Variants in IMMP2L observed in about 807,000 individuals in gnomAD.
IMMP2L encodes the protein inner mitochondrial membrane peptidase subunit 2.
A neutral mutation model predicts 19.3 loss-of-function variants in IMMP2L; 18 were observed. The observed-to-expected ratio is 0.93, with a 90% confidence interval of 0.64 to 1.38. The LOEUF (loss-of-function observed/expected upper bound fraction) is 1.38, where lower values mean the gene tolerates loss of function less well. Ranked by LOEUF, IMMP2L falls within the 40% of genes most tolerant of loss-of-function variation. IMMP2L has a pLI of 0.00. For synonymous variants in IMMP2L, 76 were observed against 73.0 expected (o/e 1.04, Z -0.21); for missense variants, 233 against 218.2 (o/e 1.07, Z -0.43).
At chr7:111,378,062 C>T (rs760797289) in intron 3 of IMMP2L, among the ~76,000 whole-genome samples, 4 of 151,544 alleles carry the variant, frequency 2.6e-5, no homozygotes, top group South Asian at 2.1e-4. Flanking sequence ...AGCTGAAGAT[C>T]GTGTTTTTTA....
intron 3 of IMMP2L, among the ~76,000 whole-genome samples, chr7:111,103,985 A>G (rs1798261494): frequency 6.6e-6 from 1 of 151,628 alleles, no homozygotes; most frequent in Middle Eastern, 3.2e-3. Flanking sequence ...TTTAGGGTTA[A>G]ATGTGGAACA....
chr7:111,329,029 G>A (rs928846882), intron 3 of IMMP2L, among the ~76,000 whole-genome samples: 4 of 151,802 alleles, frequency 2.6e-5, no homozygotes, highest in Admixed American at 1.3e-4. Context: ...CAGACTAGGT[G>A]TCTCATAAAG....
intron 3 of IMMP2L, among the ~76,000 whole-genome samples, chr7:111,284,215 G>A (rs1283995201): frequency 1.3e-5 from 2 of 152,058 alleles, no homozygotes; most frequent in African/African-American, 4.8e-5. Flanking sequence ...AAAACTTCTA[G>A]ATATATTTTG....
At chr7:111,039,237 T>G (rs1206072929) in intron 3 of IMMP2L, among the ~76,000 whole-genome samples, 2 of 152,230 alleles carry the variant, frequency 1.3e-5, no homozygotes, top group African/African-American at 4.8e-5. Flanking sequence ...ATCTCAAATT[T>G]AAAAGCTTAA....
At chr7:110,767,777 T>C (rs1162012564) in intron 5 of IMMP2L, among the ~76,000 whole-genome samples, 1 of 152,192 alleles carries the variant, frequency 6.6e-6, no homozygotes, top group Non-Finnish European at 1.5e-5. Context: ...AATCTATGCT[T>C]CATGCTACAG....
intron 3 of IMMP2L, among the ~76,000 whole-genome samples, chr7:111,030,840 GTA>G (rs1790690740): frequency 6.8e-6 from 1 of 147,510 alleles, no homozygotes; most frequent in South Asian, 2.2e-4. Context: ...GTGTATATAT[GTA>G]TGTGTGTATA....
At chr7:111,432,190 AG>A (rs1180984115) in intron 3 of IMMP2L, among the ~76,000 whole-genome samples, 1 of 151,660 alleles carries the variant, frequency 6.6e-6, no homozygotes, top group Non-Finnish European at 1.5e-5. Flanking sequence ...ACTGAATTAG[AG>A]GACACCCAGC....
chr7:111,147,723 C>T (rs1461208191), intron 3 of IMMP2L, among the ~76,000 whole-genome samples: 3 of 152,008 alleles, frequency 2.0e-5, no homozygotes, highest in African/African-American at 7.2e-5. Context: ...GAGGCAGGAG[C>T]GACCACTTCT....
intron 5 of IMMP2L, among the ~76,000 whole-genome samples, chr7:110,827,031 C>T (rs1050665623): frequency 3.9e-5 from 6 of 151,950 alleles, no homozygotes; most frequent in Non-Finnish European, 5.9e-5. Context: ...AGGAGTTGTC[C>T]CACCATTGCT....
At chr7:111,458,347 C>A (rs1207863771) in intron 3 of IMMP2L, among the ~76,000 whole-genome samples, 1 of 151,916 alleles carries the variant, frequency 6.6e-6, no homozygotes, top group African/African-American at 2.4e-5. Flanking sequence ...CCACTGCACT[C>A]CAGCTTGGGC....
At chr7:110,842,896 T>C (rs1230135544) in intron 5 of IMMP2L, among the ~76,000 whole-genome samples, 1 of 152,098 alleles carries the variant, frequency 6.6e-6, no homozygotes, top group African/African-American at 2.4e-5. Flanking sequence ...AGTCTTGAAA[T>C]CTGAAAATTA....
At chr7:111,434,695 A>G (rs980347517) in intron 3 of IMMP2L, among the ~76,000 whole-genome samples, 8 of 151,684 alleles carry the variant, frequency 5.3e-5, no homozygotes, top group Non-Finnish European at 1.0e-4. Flanking sequence ...CTGGGATTAC[A>G]GGCGCCTTCC....
chr7:111,255,192 A>C (rs1788617025), intron 3 of IMMP2L, among the ~76,000 whole-genome samples: 1 of 152,092 alleles, frequency 6.6e-6, no homozygotes, highest in South Asian at 2.1e-4. Context: ...CCTTGGAGAC[A>C]AATATCTCTT....
chr7:111,556,943 T>C (rs1049765621), intron 1 of IMMP2L, among the ~76,000 whole-genome samples: 6 of 152,008 alleles, frequency 3.9e-5, no homozygotes, highest in African/African-American at 1.5e-4. Context: ...TAAACACAGG[T>C]CCAAAGTTGA....
intron 4 of IMMP2L, among the ~76,000 whole-genome samples, chr7:110,921,523 A>G (rs1328603472): frequency 6.6e-6 from 1 of 152,214 alleles, no homozygotes; most frequent in Admixed American, 6.5e-5. Flanking sequence ...TAGAGACAAG[A>G]TGCTTTATTC....
chr7:110,972,509 G>A (rs1197113168), intron 3 of IMMP2L, among the ~76,000 whole-genome samples: 2 of 152,024 alleles, frequency 1.3e-5, no homozygotes, highest in Non-Finnish European at 2.9e-5. Flanking sequence ...GGGGGAAAGA[G>A]CTAGAGAAGA....
intron 4 of IMMP2L, among the ~76,000 whole-genome samples, chr7:110,952,633 CA>C (rs1269197303): frequency 6.6e-6 from 1 of 152,024 alleles, no homozygotes; most frequent in East Asian, 1.9e-4. Context: ...AACTGATTAC[CA>C]TCTTCAGATA....
At chr7:110,856,153 G>C (rs1158688900) in intron 5 of IMMP2L, among the ~76,000 whole-genome samples, 1 of 151,798 alleles carries the variant, frequency 6.6e-6, no homozygotes, top group Non-Finnish European at 1.5e-5. Flanking sequence ...AAAACTTTCA[G>C]TAAAAAACAG....
intron 3 of IMMP2L, among the ~76,000 whole-genome samples, chr7:111,085,145 T>A (rs569004344): frequency 1.5e-4 from 23 of 151,354 alleles, no homozygotes; most frequent in Admixed American, 8.5e-4. Context: ...GAGAAAAAAA[T>A]TTGTCTCATT....
Sources: gnomAD v4.1 joint callset for allele counts (sites outside exome capture counted in the v4.1 genomes callset) on GRCh38, gnomAD v4.1.1 for gene constraint, MANE v1.5 for transcripts, NCBI Gene and HGNC (gene_info 2026-07-23, HGNC 2026-07-21) for gene names.